KMT5A: variants seen among roughly 807,000 people sequenced by gnomAD.
The protein encoded by KMT5A is N-lysine methyltransferase KMT5A.
Under a neutral mutation model 40.6 loss-of-function variants are expected in KMT5A, and 6 were observed. The ratio of observed to expected loss-of-function variants is 0.15; its 90% CI spans 0.08 to 0.29. The LOEUF is 0.29. Ranked by LOEUF, KMT5A falls within the 10% of genes least tolerant of loss-of-function variation. The pLI is 1.00. For synonymous variants in KMT5A, 153 were observed against 178.8 expected (o/e 0.86, Z 1.15); for missense variants, 308 against 459.1 (o/e 0.67, Z 3.01).
In KMT5A at chr12:123,408,566, C is replaced by CTTTTTTTTTTTTTT. The variant is rs57847836; in HGVS notation, c.*870_*883dup. 2 of 91,884 alleles carry CTTTTTTTTTTTTTT rather than the reference C, an allele frequency of 2.2e-5. No homozygotes were observed. Among genetic ancestry groups the CTTTTTTTTTTTTTT allele is most frequent in the African/African-American group, 3.8e-5 (1 of 26,464 alleles). The allele number at this position is 91,884 out of a possible 1,614,324, so 5.7% of individuals were successfully genotyped here. On this transcript the variant is annotated 3_prime_UTR_variant, in exon 8 of 8. Transcript: ENST00000402868. ...GGTCTTGAAGTGAGTGAAGTGGCTG[C>CTTTTTTTTTTTTTT]TTTTTTTTTTTTTTTTTTTTGCTTT...
At position 123,389,454 on chromosome 12, in the gene KMT5A, G is replaced by A; in HGVS notation, c.32G>A (p.Arg11His). Residue 11 changes from arginine to histidine, a missense_variant, in exon 2 of 8, where the codon CGC becomes CAC. Arg to His is a conservative substitution (Grantham distance 29, BLOSUM62 0). Transcript: ENST00000402868. ...CCAGGCAGGAAGATGTCCAAGCCCC[G>A]CGCGGTGGAGGCGGCGGCGGCGGCG... MARGRKMSKPRAVEAAAAAAA... is the reference protein window; with the variant it reads MARGRKMSKPHAVEAAAAAAA... 9.2e-7 allele frequency: 1 copy of A among 1,088,720 alleles called. No homozygotes were observed. The highest frequency in any genetic ancestry group is 1.1e-6 in the Non-Finnish European group (1 of 902,550). 67.4% of individuals were successfully genotyped at this position (1,088,720 alleles called of 1,614,324 possible).
chr12:123,387,170 T>C (rs28581850), intron 1 of KMT5A, among the ~76,000 whole-genome samples: 135,217 of 152,210 alleles, frequency 0.89, 60,195 homozygotes, highest in Middle Eastern at 0.95. Flanking sequence ...GTATTTGTTA[T>C]ATACGTATAA....
chr12:123,390,731 T>A lies in KMT5A; in HGVS notation c.234T>A (p.His78Gln), dbSNP rs755970615. Residue 78 changes from histidine (H) to glutamine (Q), a missense_variant, in exon 3 of 8, where the codon CAT becomes CAA. Coordinates refer to ENST00000402868, the MANE Select transcript of KMT5A (RefSeq NM_020382.7). ...TTCAGGAAGAGAACTCAGTTACACATCACGAAGTCAAATGCCAGGGGAAAC... is the reference window on the plus strand; with the variant it reads ...TTCAGGAAGAGAACTCAGTTACACAACACGAAGTCAAATGCCAGGGGAAAC... ...FPLQEENSVT[H>Q]HEVKCQGKPL... 6.2e-7 allele frequency: 1 copy of A among 1,613,648 alleles called. No homozygotes were observed. The highest frequency in any genetic ancestry group is 1.3e-5 in the African/African-American group (1 of 74,838).
rs1878752694 is a variant in KMT5A, at chr12:123,408,561, GGCT to G, written c.*862_*864del. The G allele has an allele frequency of 6.9e-6, 1 of 145,106 alleles. No individual in the cohort carries two copies. The highest frequency in any genetic ancestry group is 2.7e-5 in the African/African-American group (1 of 37,442). 9.0% of individuals were successfully genotyped at this position (145,106 alleles called of 1,614,324 possible). ...ATATAGGTCTTGAAGTGAGTGAAGT[GGCT>G]GCTTTTTTTTTTTTTTTTTTTTGCT... On this transcript the variant is annotated 3_prime_UTR_variant, in exon 8 of 8. Transcript: ENST00000402868.
chr12:123,393,071 T>C (rs1405917597), intron 3 of KMT5A, among the ~76,000 whole-genome samples: 1 of 152,098 alleles, frequency 6.6e-6, no homozygotes, highest in Non-Finnish European at 1.5e-5. Flanking sequence ...AGAGATGGGG[T>C]TTCACCATGT....
Position 123,403,649 on chromosome 12 carries a change from C to G in KMT5A, c.657+17C>G. 6.2e-7 allele frequency: 1 copy of G among 1,614,038 alleles called. No individual in the cohort carries two copies. The highest frequency in any genetic ancestry group is 8.5e-7 in the Non-Finnish European group (1 of 1,179,916). On this transcript the variant is annotated intron_variant, in intron 6 of 7. Coordinates refer to ENST00000402868, the MANE Select transcript of KMT5A (RefSeq NM_020382.7). ...GGAATGAAGGTAAGGGGCTGCTGTG[C>G]TTGCTGCATCATAGCTAAAGCTGGA...
In KMT5A at chr12:123,408,550, G is replaced by A. The variant is rs924863241; in HGVS notation, c.*847G>A. 2 of 146,270 alleles carry A rather than the reference G, an allele frequency of 1.4e-5. No individual in the cohort carries two copies. The highest frequency in any genetic ancestry group is 5.0e-5 in the African/African-American group (2 of 39,906). The allele number at this position is 146,270 out of a possible 1,614,324, so 9.1% of individuals were successfully genotyped here. ...ACTTTACATGTATATAGGTCTTGAA[G>A]TGAGTGAAGTGGCTGCTTTTTTTTT... On this transcript the variant is annotated 3_prime_UTR_variant, in exon 8 of 8. Coordinates refer to ENST00000402868, the MANE Select transcript of KMT5A (RefSeq NM_020382.7).
chr12:123,392,757 T>C (rs1877405858), intron 3 of KMT5A, among the ~76,000 whole-genome samples: 1 of 152,040 alleles, frequency 6.6e-6, no homozygotes. Context: ...ACAGACTGAG[T>C]GATAGATAAT....
At chr12:123,398,952 A>T (rs992825412) in intron 5 of KMT5A, among the ~76,000 whole-genome samples, 5 of 152,138 alleles carry the variant, frequency 3.3e-5, no homozygotes, top group Non-Finnish European at 5.9e-5. Flanking sequence ...GACAGCAGCC[A>T]GGGCGGGCCT....
rs57847836 is a variant in KMT5A at position 123,408,566 on chromosome 12, C to CTTTTTTTTTTTTTTTTTTTTTT, written c.*883_*884insTTTTTTTTTTTTTTTTTTTTTT. ...GGTCTTGAAGTGAGTGAAGTGGCTGCTTTTTTTTTTTTTTTTTTTTGCTTT... is the reference window on the plus strand; with the variant it reads ...GGTCTTGAAGTGAGTGAAGTGGCTGCTTTTTTTTTTTTTTTTTTTTTTTTTTTTTTTTTTTTTTTTTTGCTTT... On this transcript the variant is annotated 3_prime_UTR_variant, in exon 8 of 8. Transcript: ENST00000402868. The CTTTTTTTTTTTTTTTTTTTTTT allele has an allele frequency of 5.4e-5, 5 of 91,860 alleles. No individual in the cohort carries two copies. The highest frequency in any genetic ancestry group is 1.5e-4 in the African/African-American group (4 of 26,490). The allele number at this position is 91,860 out of a possible 1,614,324, so 5.7% of individuals were successfully genotyped here. A position where few individuals can be genotyped will look rare whatever the true frequency, so the allele number is the denominator to read the frequency against.
At chr12:123,403,275 G>C (rs961074351) in intron 5 of KMT5A, among the ~76,000 whole-genome samples, 5 of 152,262 alleles carry the variant, frequency 3.3e-5, no homozygotes, top group Admixed American at 6.5e-5. Context: ...TTTTTAACGT[G>C]CTGCATGGGC....
At chr12:123,388,158 T>C (rs190928879) in intron 1 of KMT5A, among the ~76,000 whole-genome samples, 1 of 152,288 alleles carries the variant, frequency 6.6e-6, no homozygotes, top group East Asian at 1.9e-4. Context: ...CAAGGTGACA[T>C]GTTAAACCCT....
intron 6 of KMT5A, among the ~76,000 whole-genome samples, chr12:123,403,998 C>T (rs1263645690): frequency 2.0e-5 from 3 of 152,132 alleles, no homozygotes. Context: ...CCACTGCCCA[C>T]CATCCCCACC....
Position 123,396,432 on chromosome 12 carries a change from G to A in KMT5A, c.597G>A (p.Gln199=). The A allele has an allele frequency of 2.5e-6, 4 of 1,613,998 alleles. No homozygotes were observed. The highest frequency in any genetic ancestry group is 3.4e-6 in the Non-Finnish European group (4 of 1,179,956). The change falls in exon 5 of 8, where the codon CAG becomes CAA. Residue 199 remains glutamine (Q), a splice_region_variant and synonymous_variant. Coordinates refer to ENST00000402868, the MANE Select transcript of KMT5A (RefSeq NM_020382.7). ...CCAGGAAGAGCAAAGCCGAGCTGCA[G>A]GTAGTCACGTGCTTTAAATTCCAGT... is the stretch of plus-strand genomic sequence containing the variant. The part of the protein sequence containing the change: ...RSSRKSKAEL[Q]SEERKRIDEL...
In KMT5A at chr12:123,403,639, G is replaced by A; in HGVS notation, c.657+7G>A. The A allele has an allele frequency of 1.9e-6, 3 of 1,614,184 alleles. No homozygotes were observed. The highest frequency in any genetic ancestry group is 2.5e-6 in the Non-Finnish European group (3 of 1,180,014). On this transcript the variant is annotated splice_region_variant and intron_variant, in intron 6 of 7. Transcript: ENST00000402868. The stretch of plus-strand genomic sequence containing the variant: ...GAAGGAAGAAGGAATGAAGGTAAGG[G>A]GCTGCTGTGCTTGCTGCATCATAGC...
At chr12:123,387,306 G>A (rs1876932513) in intron 1 of KMT5A, among the ~76,000 whole-genome samples, 1 of 152,210 alleles carries the variant, frequency 6.6e-6, no homozygotes, top group Non-Finnish European at 1.5e-5. Context: ...TGCAATTGGG[G>A]GCTCAAATGC....
At chr12:123,398,220 T>A (rs1363483362) in intron 5 of KMT5A, among the ~76,000 whole-genome samples, 1 of 151,116 alleles carries the variant, frequency 6.6e-6, no homozygotes, top group Non-Finnish European at 1.5e-5. Context: ...AGACGGTAGT[T>A]GCAGTGAGCC....
At chr12:123,398,289 A>C (rs1213841774) in intron 5 of KMT5A, among the ~76,000 whole-genome samples, 1 of 151,926 alleles carries the variant, frequency 6.6e-6, no homozygotes, top group Non-Finnish European at 1.5e-5. Context: ...CTCAAAAAAA[A>C]AAAAAGACAG....
chr12:123,394,191 C>A (rs1010359740), intron 3 of KMT5A, among the ~76,000 whole-genome samples: 1 of 150,364 alleles, frequency 6.7e-6, no homozygotes, highest in African/African-American at 2.5e-5. Context: ...GCAACCTCCG[C>A]CTCCCAGGTT....
Sources: gnomAD v4.1 joint callset for allele counts (sites outside exome capture counted in the v4.1 genomes callset) on GRCh38, gnomAD v4.1.1 for gene constraint, MANE v1.5 for transcripts, NCBI Gene and HGNC (gene_info 2026-07-23, HGNC 2026-07-21) for gene names.